Variants in EPHB1 observed in about 807,000 individuals in gnomAD.
The protein encoded by EPHB1 is ephrin type-B receptor 1.
In EPHB1, 30 loss-of-function variants were observed where a neutral mutation model predicts 94.4. That is an observed-to-expected ratio of 0.32 (90% confidence interval 0.24 to 0.43). The LOEUF (loss-of-function observed/expected upper bound fraction) is 0.43, where lower values mean the gene tolerates loss of function less well. Ranked by LOEUF, EPHB1 falls within the 20% of genes least tolerant of loss-of-function variation. The pLI, the probability that EPHB1 is intolerant of heterozygous loss-of-function variation, is 1.00. For synonymous variants in EPHB1, 522 were observed against 489.1 expected (o/e 1.07, Z -0.89); for missense variants, 1,055 against 1,308.3 (o/e 0.81, Z 2.99).
At chr3:134,865,547 C>T (rs2037355436) in intron 1 of EPHB1, among the ~76,000 whole-genome samples, 1 of 151,668 alleles carries the variant, frequency 6.6e-6, no homozygotes, top group Admixed American at 6.6e-5. Context: ...TTCTTTGCAG[C>T]ATTATTTATA....
chr3:135,089,875 G>T (rs144123884), intron 3 of EPHB1, among the ~76,000 whole-genome samples: 1 of 152,130 alleles, frequency 6.6e-6, no homozygotes, highest in East Asian at 1.9e-4. Context: ...TCTTCCTGAC[G>T]TGCTGAGCCT....
At chr3:135,244,437 A>C (rs553742580) in intron 13 of EPHB1, among the ~76,000 whole-genome samples, 1 of 152,318 alleles carries the variant, frequency 6.6e-6, no homozygotes, top group South Asian at 2.1e-4. Flanking sequence ...TCTTCTCAAT[A>C]GCCACTTATC....
At chr3:134,870,145 G>A (rs139564606) in intron 1 of EPHB1, among the ~76,000 whole-genome samples, 4 of 152,196 alleles carry the variant, frequency 2.6e-5, no homozygotes, top group Non-Finnish European at 5.9e-5. Flanking sequence ...TTGAGAGAGT[G>A]AGCTGGGTCT....
chr3:134,978,461 T>C (rs1392510544), intron 3 of EPHB1, among the ~76,000 whole-genome samples: 1 of 152,080 alleles, frequency 6.6e-6, no homozygotes, highest in Non-Finnish European at 1.5e-5. Flanking sequence ...TCTAGCTCCA[T>C]CTCCTGCAGC....
intron 12 of EPHB1, among the ~76,000 whole-genome samples, chr3:135,202,907 A>G (rs984815588): frequency 2.0e-5 from 3 of 152,254 alleles, no homozygotes; most frequent in African/African-American, 7.2e-5. Flanking sequence ...TCTACTATAA[A>G]GACACATGCA....
At chr3:135,087,327 G>A (rs959563) in intron 3 of EPHB1, among the ~76,000 whole-genome samples, 122,583 of 152,156 alleles carry the variant, frequency 0.81, 52,068 homozygotes, top group Non-Finnish European at 0.94. Flanking sequence ...TTCTTACTGA[G>A]AATGAGAAGG....
chr3:134,823,059 G>C (rs1009791181), intron 1 of EPHB1, among the ~76,000 whole-genome samples: 11 of 152,174 alleles, frequency 7.2e-5, no homozygotes, highest in African/African-American at 2.7e-4. Flanking sequence ...GGACCACCCA[G>C]CCTACTCATT....
chr3:135,225,586 G>A (rs1200013236), intron 12 of EPHB1, among the ~76,000 whole-genome samples: 1 of 152,154 alleles, frequency 6.6e-6, no homozygotes, highest in Non-Finnish European at 1.5e-5. Flanking sequence ...TTCAGCTGAA[G>A]GTACTGCTAT....
chr3:134,893,650 C>T (rs1008759590), intron 1 of EPHB1, among the ~76,000 whole-genome samples: 7 of 152,234 alleles, frequency 4.6e-5, no homozygotes, highest in African/African-American at 1.7e-4. Flanking sequence ...TCCTTCTGCT[C>T]ATCCCTCTAG....
At chr3:134,970,525 A>G (rs1933928775) in intron 3 of EPHB1, among the ~76,000 whole-genome samples, 1 of 152,146 alleles carries the variant, frequency 6.6e-6, no homozygotes, top group African/African-American at 2.4e-5. Flanking sequence ...TTACTGATTT[A>G]TGATGTGTAT....
chr3:134,842,714 T>C (rs1396746111), intron 1 of EPHB1, among the ~76,000 whole-genome samples: 1 of 152,168 alleles, frequency 6.6e-6, no homozygotes. Flanking sequence ...TCTCCACACC[T>C]TTGATTGTTC....
intron 3 of EPHB1, among the ~76,000 whole-genome samples, chr3:135,063,611 G>A (rs1576356322): frequency 6.6e-6 from 1 of 152,040 alleles, no homozygotes; most frequent in East Asian, 1.9e-4. Context: ...GGGTTTTTGA[G>A]GTAAATAATT....
At chr3:134,865,788 A>G (rs1334649122) in intron 1 of EPHB1, among the ~76,000 whole-genome samples, 2 of 152,216 alleles carry the variant, frequency 1.3e-5, no homozygotes, top group African/African-American at 4.8e-5. Flanking sequence ...TGAAAAAGCT[A>G]GTAATTAAGA....
At chr3:134,904,370 A>C (rs571785808) in intron 1 of EPHB1, among the ~76,000 whole-genome samples, 2 of 152,190 alleles carry the variant, frequency 1.3e-5, no homozygotes, top group African/African-American at 4.8e-5. Context: ...TTTAAGGGAC[A>C]TAGTCGCTTT....
intron 3 of EPHB1, among the ~76,000 whole-genome samples, chr3:135,007,199 G>A (rs1230687148): frequency 2.0e-5 from 3 of 152,144 alleles, no homozygotes; most frequent in African/African-American, 7.2e-5. Flanking sequence ...AGGACCTGAG[G>A]GTCCCAGCTG....
chr3:134,972,334 A>G (rs139653616), intron 3 of EPHB1, among the ~76,000 whole-genome samples: 6 of 113,660 alleles, frequency 5.3e-5, no homozygotes, highest in Admixed American at 1.9e-4. Context: ...GTGTGTGTGT[A>G]TATATATAAA....
intron 1 of EPHB1, among the ~76,000 whole-genome samples, chr3:134,875,976 C>T (rs1300470277): frequency 6.6e-6 from 1 of 152,180 alleles, no homozygotes; most frequent in Non-Finnish European, 1.5e-5. Context: ...TGCTTTGCAA[C>T]TTTCAATTCA....
chr3:135,194,516 C>T (rs1241698481), intron 11 of EPHB1, among the ~76,000 whole-genome samples: 1 of 152,106 alleles, frequency 6.6e-6, no homozygotes, highest in Non-Finnish European at 1.5e-5. Context: ...TATATGAAGG[C>T]CGAAGTAAAT....
At chr3:134,893,890 C>A (rs1216184587) in intron 1 of EPHB1, among the ~76,000 whole-genome samples, 1 of 152,226 alleles carries the variant, frequency 6.6e-6, no homozygotes, top group Non-Finnish European at 1.5e-5. Flanking sequence ...GAGTGCCTCA[C>A]AGAGCAGGTG....
Sources: allele counts gnomAD v4.1 joint callset (sites outside exome capture counted in the v4.1 genomes callset), GRCh38; gene constraint gnomAD v4.1.1; transcripts MANE v1.5; gene names NCBI Gene and HGNC (gene_info 2026-07-23, HGNC 2026-07-21).